KCNJ15: variants seen among roughly 807,000 people sequenced by gnomAD.
KCNJ15 encodes the protein ATP-sensitive inward rectifier potassium channel 15.
KCNJ15 carries 14 observed loss-of-function variants against 23.0 expected under a neutral mutation model. The ratio of observed to expected loss-of-function variants is 0.61; its 90% confidence interval spans 0.40 to 0.95. The LOEUF is 0.95. KCNJ15 is among the 40% of genes least tolerant of loss of function. The pLI is 0.00. For missense variants in KCNJ15, 388 were observed against 461.8 expected (o/e 0.84, Z 1.46); for synonymous variants, 185 against 183.2 (o/e 1.01, Z -0.08).
rs1376904834 is a variant in KCNJ15, at chr21:38,300,184, G to C, written c.923G>C (p.Gly308Ala). ...TATATCCCAGAGGAAATCTACTGGG[G>C]TTTTGAGTTTGTGCCTGTGGTATCT... ...TSYIPEEIYW[G>A]FEFVPVVSLS... is the part of the protein sequence containing the mutation. Residue 308 changes from glycine (G) to alanine (A), a missense_variant, in exon 3 of 3, where the codon GGT becomes GCT. Coordinates refer to ENST00000398938, the MANE Select transcript of KCNJ15 (RefSeq NM_170736.3). The C allele has an allele frequency of 6.2e-7, 1 of 1,613,936 alleles. No homozygotes were observed. The highest frequency in any genetic ancestry group is 1.3e-5 in the African/African-American group (1 of 74,916).
intron 1 of KCNJ15, among the ~76,000 whole-genome samples, chr21:38,288,451 C>A (rs910800605): frequency 2.0e-5 from 3 of 152,086 alleles, no homozygotes; most frequent in African/African-American, 7.2e-5. Flanking sequence ...CCTTTGCATG[C>A]AGGTGAATTA....
At chr21:38,280,442 C>A (rs569840732) in intron 1 of KCNJ15, among the ~76,000 whole-genome samples, 30 of 152,200 alleles carry the variant, frequency 2.0e-4, no homozygotes, top group Middle Eastern at 3.4e-3. Flanking sequence ...GGGAAAACAG[C>A]ATTTGTAAGC....
chr21:38,291,025 C>CACACACACACACACACACACACACAT (rs1555885288), intron 1 of KCNJ15, among the ~76,000 whole-genome samples: 2 of 150,942 alleles, frequency 1.3e-5, no homozygotes. Flanking sequence ...CACACACACA[C>CACACACACACACACACACACACACAT]GTATATATAG....
intron 1 of KCNJ15, among the ~76,000 whole-genome samples, chr21:38,266,217 C>T (rs1055025260): frequency 1.3e-5 from 2 of 152,132 alleles, no homozygotes; most frequent in Non-Finnish European, 2.9e-5. Flanking sequence ...ATACACGCGC[C>T]ATGGTGATTT....
intron 1 of KCNJ15, among the ~76,000 whole-genome samples, chr21:38,293,736 G>A (rs202236092): frequency 1.1e-5 from 1 of 90,748 alleles, no homozygotes; most frequent in African/African-American, 4.7e-5. Flanking sequence ...AGGAAAAAGT[G>A]CTTTTGCAGA....
chr21:38,236,444 C>G (rs957093390), intron 1 of KCNJ15, among the ~76,000 whole-genome samples: 21 of 152,182 alleles, frequency 1.4e-4, no homozygotes, highest in African/African-American at 5.1e-4. Context: ...CCTCTGTCTG[C>G]ATATCTAGTA....
rs1000768420 is a variant in KCNJ15 at position 38,306,590 on chromosome 21, C to T, written c.*6201C>T. The T allele has an allele frequency of 2.0e-5, 3 of 152,146 alleles. No individual in the cohort carries two copies. Among genetic ancestry groups the T allele is most frequent in the Non-Finnish European group, 4.4e-5 (3 of 68,030 alleles). 9.4% of individuals were successfully genotyped at this position (152,146 alleles called of 1,614,324 possible). A position where few individuals can be genotyped will look rare whatever the true frequency, so the allele number is the denominator to read the frequency against. ...TCTCAGGATTAAGGATGTCGTATTA[C>T]ATCAAATCATTACAGGAAGTATGAC... On this transcript the variant is annotated 3_prime_UTR_variant, in exon 3 of 3. Transcript: ENST00000398938.
chr21:38,266,702 T>G (rs1981502313), intron 1 of KCNJ15, among the ~76,000 whole-genome samples: 1 of 152,244 alleles, frequency 6.6e-6, no homozygotes, highest in African/African-American at 2.4e-5. Context: ...CAAATGGTAT[T>G]TCTGGTTCTA....
Position 38,302,585 on chromosome 21 carries a change from A to G in KCNJ15, c.*2196A>G, listed in dbSNP as rs1437143190. On this transcript the variant is annotated 3_prime_UTR_variant, in exon 3 of 3. Transcript: ENST00000398938. ...AGTGTAGTTAGATATTATCTCTTTT[A>G]GTTATTATACTTGCTATTTTTACTG... 1 of 152,108 alleles carries G rather than the reference A, an allele frequency of 6.6e-6. No homozygotes were observed. The highest frequency in any genetic ancestry group is 2.1e-4 in the South Asian group (1 of 4,834). The allele number at this position is 152,108 out of a possible 1,614,324, so 9.4% of individuals were successfully genotyped here.
Position 38,302,583 on chromosome 21 carries a change from T to C in KCNJ15, c.*2194T>C, listed in dbSNP as rs1321165265. ...TCAGTGTAGTTAGATATTATCTCTT[T>C]TAGTTATTATACTTGCTATTTTTAC... On this transcript the variant is annotated 3_prime_UTR_variant, in exon 3 of 3. Coordinates refer to ENST00000398938, the MANE Select transcript of KCNJ15 (RefSeq NM_170736.3). 6.6e-6 allele frequency: 1 copy of C among 152,212 alleles called. No individual in the cohort carries two copies. Among genetic ancestry groups the C allele is most frequent in the Non-Finnish European group, 1.5e-5 (1 of 68,044 alleles). 9.4% of individuals were successfully genotyped at this position (152,212 alleles called of 1,614,324 possible).
At chr21:38,266,346 T>A (rs761778483) in intron 1 of KCNJ15, among the ~76,000 whole-genome samples, 4 of 152,208 alleles carry the variant, frequency 2.6e-5, no homozygotes, top group Non-Finnish European at 4.4e-5. Context: ...TGCCCATGTA[T>A]TCTCATTGTT....
At chr21:38,265,083 A>G (rs1185014599) in intron 1 of KCNJ15, among the ~76,000 whole-genome samples, 2 of 152,244 alleles carry the variant, frequency 1.3e-5, no homozygotes, top group African/African-American at 4.8e-5. Context: ...TGCAGAAAAC[A>G]ACAAAATTAG....
At position 38,299,863 on chromosome 21, in the gene KCNJ15, A is replaced by G; in HGVS notation, c.602A>G (p.Asn201Ser). 2 of 1,614,120 alleles carry G rather than the reference A, an allele frequency of 1.2e-6. No homozygotes were observed. The highest frequency in any genetic ancestry group is 1.7e-6 in the Non-Finnish European group (2 of 1,180,024). Reference protein sequence around the residue: ...GKLCLVIQVANMRKSLLIQCQ... With the variant: ...GKLCLVIQVASMRKSLLIQCQ... The stretch of plus-strand genomic sequence containing the variant: ...CTGTGCTTGGTGATTCAGGTAGCCA[A>G]TATGAGGAAGAGCCTCTTGATTCAG... The change falls in exon 3 of 3, where the codon AAT (asparagine) becomes AGT (serine). Residue 201 changes from asparagine (N) to serine (S), a missense_variant. Transcript: ENST00000398938. This position sits in a 1 kb window ranked among gnomAD's most constrained non-coding sequence, Gnocchi z 4.5.
In KCNJ15 at chr21:38,304,736, T is replaced by A. The variant is rs1985989662; in HGVS notation, c.*4347T>A. The A allele has an allele frequency of 1.7e-5, 1 of 59,232 alleles. No homozygotes were observed. Among genetic ancestry groups the A allele is most frequent in the South Asian group, 7.7e-4 (1 of 1,306 alleles). The allele number at this position is 59,232 out of a possible 1,614,324, so 3.7% of individuals were successfully genotyped here. The stretch of plus-strand genomic sequence containing the variant: ...TGTCGCCCAGGCTGCTAGAGTGCAG[T>A]GGCGCGATTTCGGCTCACTGCAAGT... On this transcript the variant is annotated 3_prime_UTR_variant, in exon 3 of 3. Transcript: ENST00000398938.
At chr21:38,260,723 G>T (rs745601916) in intron 1 of KCNJ15, among the ~76,000 whole-genome samples, 4 of 152,192 alleles carry the variant, frequency 2.6e-5, no homozygotes, top group Non-Finnish European at 5.9e-5. Context: ...GTTTCCAGTA[G>T]GGAGCAGTTG....
intron 1 of KCNJ15, among the ~76,000 whole-genome samples, chr21:38,249,707 T>A (rs142519819): frequency 3.3e-4 from 50 of 152,340 alleles, no homozygotes; most frequent in African/African-American, 1.2e-3. Flanking sequence ...ATTCTCTAGC[T>A]TTTATTCTTC....
At chr21:38,237,304 G>A (rs1252992263) in intron 1 of KCNJ15, 1 of 152,242 alleles carries the variant, frequency 6.6e-6, no homozygotes, top group African/African-American at 2.4e-5. Flanking sequence ...CGTTTATTGT[G>A]GGTAGAGATG....
intron 1 of KCNJ15, among the ~76,000 whole-genome samples, chr21:38,233,162 C>G (rs60215333): frequency 6.6e-6 from 1 of 151,936 alleles, no homozygotes; most frequent in Non-Finnish European, 1.5e-5. Context: ...ATAATTATTA[C>G]CTTTTTCTCA....
intron 1 of KCNJ15, among the ~76,000 whole-genome samples, chr21:38,250,889 C>T (rs1979778684): frequency 6.6e-6 from 1 of 152,118 alleles, no homozygotes; most frequent in Non-Finnish European, 1.5e-5. Context: ...TAAAGTGGGT[C>T]TTGGAGTGTT....
Sources: allele counts gnomAD v4.1 joint callset (sites outside exome capture counted in the v4.1 genomes callset), GRCh38; gene constraint gnomAD v4.1.1; non-coding constraint Gnocchi (gnomAD v3.1); transcripts MANE v1.5; gene names NCBI Gene and HGNC (gene_info 2026-07-23, HGNC 2026-07-21).